ZCCHC7: variants seen among roughly 807,000 people sequenced by gnomAD.
ZCCHC7 encodes zinc finger CCHC-type containing 7.
ZCCHC7 carries 35 observed loss-of-function variants against 52.0 expected under a neutral mutation model. The observed-to-expected ratio is 0.67, with a 90% CI of 0.51 to 0.89. ZCCHC7 has a LOEUF of 0.89. ZCCHC7 is among the 40% of genes least tolerant of loss of function. The pLI is 0.00. For synonymous variants in ZCCHC7, 217 were observed against 221.5 expected, an observed-to-expected ratio of 0.98 and a Z score of 0.18; for missense variants, 574 against 649.1, an observed-to-expected ratio of 0.88 and a Z score of 1.26.
At chr9:37,254,366 A>G (rs1588557204) in intron 2 of ZCCHC7, among the ~76,000 whole-genome samples, 2 of 152,042 alleles carry the variant, frequency 1.3e-5, no homozygotes, top group African/African-American at 4.8e-5. Flanking sequence ...GTTTATTTAC[A>G]AAGAGTTGGG....
At chr9:37,126,070 G>A (rs1842525864) in intron 1 of ZCCHC7, among the ~76,000 whole-genome samples, 1 of 152,180 alleles carries the variant, frequency 6.6e-6, no homozygotes, top group Admixed American at 6.5e-5. Context: ...AGTGTTGACT[G>A]TGTTTCCATC....
At chr9:37,231,804 T>C (rs979928687) in intron 2 of ZCCHC7, among the ~76,000 whole-genome samples, 6 of 152,198 alleles carry the variant, frequency 3.9e-5, no homozygotes, top group African/African-American at 1.2e-4. Flanking sequence ...CTGGAAGACT[T>C]AGTACTCTGT....
intron 6 of ZCCHC7, among the ~76,000 whole-genome samples, chr9:37,336,999 A>G (rs570258435): frequency 2.6e-5 from 4 of 152,152 alleles, no homozygotes; most frequent in African/African-American, 9.7e-5. Flanking sequence ...TCTCCGGACA[A>G]TTGGCGGAGG....
At chr9:37,315,632 G>A (rs1256291550) in intron 5 of ZCCHC7, among the ~76,000 whole-genome samples, 1 of 151,488 alleles carries the variant, frequency 6.6e-6, no homozygotes, top group Non-Finnish European at 1.5e-5. Context: ...CAGATATAAA[G>A]GAAGACATGG....
rs1335247941 is a variant in ZCCHC7, at chr9:37,349,305, G to T, written c.988-52G>T. 6 of 1,580,144 alleles carry T rather than the reference G, an allele frequency of 3.8e-6. No individual in the cohort carries two copies. The African/African-American group carries it at 8.1e-5, about 21-fold the overall frequency. On this transcript the variant is annotated intron_variant, in intron 6 of 8. Transcript: ENST00000336755. ...ATAAAGCTCTTTTGGAAAGAATGAG[G>T]TTTTAATTTTCTTCTAACATCAACA...
chr9:37,325,743 G>A (rs1336618628), intron 5 of ZCCHC7, among the ~76,000 whole-genome samples: 1 of 152,030 alleles, frequency 6.6e-6, no homozygotes, highest in African/African-American at 2.4e-5. Context: ...ACAAAAAATA[G>A]CAAAATGAAA....
chr9:37,257,094 G>C (rs1325194187), intron 2 of ZCCHC7, among the ~76,000 whole-genome samples: 1 of 152,156 alleles, frequency 6.6e-6, no homozygotes, highest in East Asian at 1.9e-4. Flanking sequence ...AGAACAGTAA[G>C]TTTTTAGAGA....
rs778207726 is a variant in ZCCHC7, at chr9:37,238,683, G to C, written c.611-63505G>C. ...TTATTTTGCTATTATTCAGGAGACT[G>C]TTTCTCACCTGGTTGATCATTTCAA... On this transcript the variant is annotated intron_variant, in intron 2 of 8. Transcript: ENST00000336755. 3.9e-5 allele frequency among the ~76,000 whole-genome samples: 6 copies of C among 152,054 alleles called. No individual in the cohort carries two copies. The East Asian group carries it at 1.2e-3, about 29-fold the overall frequency.
intron 2 of ZCCHC7, among the ~76,000 whole-genome samples, chr9:37,269,410 G>T (rs1239516539): frequency 6.6e-6 from 1 of 151,478 alleles, no homozygotes; most frequent in Non-Finnish European, 1.5e-5. Context: ...GATCACTTGA[G>T]CCCAGGAGTT....
chr9:37,352,275 A>G (rs1334525717), intron 7 of ZCCHC7, among the ~76,000 whole-genome samples: 1 of 152,162 alleles, frequency 6.6e-6, no homozygotes, highest in African/African-American at 2.4e-5. Flanking sequence ...AGATACTATT[A>G]TTGAATGGAT....
At chr9:37,275,124 A>T (rs567047288) in intron 2 of ZCCHC7, among the ~76,000 whole-genome samples, 11 of 152,350 alleles carry the variant, frequency 7.2e-5, no homozygotes, top group African/African-American at 2.6e-4. Flanking sequence ...CAATTCATGT[A>T]ATCATCACAT....
At chr9:37,202,961 T>A (rs1653623742) in intron 2 of ZCCHC7, among the ~76,000 whole-genome samples, 1 of 152,252 alleles carries the variant, frequency 6.6e-6, no homozygotes, top group Non-Finnish European at 1.5e-5. Flanking sequence ...CTGAGTAATG[T>A]AAGTTATTGA....
At position 37,358,040 on chromosome 9, in the gene ZCCHC7, C is replaced by T. The variant is rs191560554; in HGVS notation, c.*772C>T. On this transcript the variant is annotated 3_prime_UTR_variant, in exon 9 of 9. Transcript: ENST00000336755. ...CTCAAAAAATTTTTTTGTTCTCTTG[C>T]ATTTTTTTCAACTACCGCAAAGCTA... is the stretch of plus-strand genomic sequence containing the variant. The T allele has an allele frequency of 1.3e-3, 194 of 152,236 alleles. No individual in the cohort carries two copies. The highest frequency in any genetic ancestry group is 4.3e-3 in the African/African-American group (178 of 41,554). 9.4% of individuals were successfully genotyped at this position (152,236 alleles called of 1,614,324 possible). A position where few individuals can be genotyped will look rare whatever the true frequency, so the allele number is the denominator to read the frequency against.
chr9:37,224,564 A>G (rs768054270), intron 2 of ZCCHC7, among the ~76,000 whole-genome samples: 1 of 152,186 alleles, frequency 6.6e-6, no homozygotes, highest in African/African-American at 2.4e-5. Context: ...TTAGAAGGGA[A>G]ATAAAGTGAC....
At chr9:37,308,857 T>A (rs1372770668) in intron 5 of ZCCHC7, among the ~76,000 whole-genome samples, 1 of 151,958 alleles carries the variant, frequency 6.6e-6, no homozygotes, top group East Asian at 1.9e-4. Context: ...GGTACACACC[T>A]GTAGTCCCAG....
intron 2 of ZCCHC7, among the ~76,000 whole-genome samples, chr9:37,274,507 T>G (rs76996422): frequency 2.0e-5 from 3 of 151,782 alleles, no homozygotes; most frequent in Non-Finnish European, 2.9e-5. Flanking sequence ...GCCCGGCTAA[T>G]TTTTGTAATT....
chr9:37,258,783 A>G (rs1826720185), intron 2 of ZCCHC7, among the ~76,000 whole-genome samples: 1 of 150,390 alleles, frequency 6.6e-6, no homozygotes, highest in South Asian at 2.1e-4. Context: ...AAAAAAAAAA[A>G]AAGTTTGTTC....
intron 2 of ZCCHC7, among the ~76,000 whole-genome samples, chr9:37,135,839 A>G (rs1842976250): frequency 6.6e-6 from 1 of 152,166 alleles, no homozygotes; most frequent in East Asian, 1.9e-4. Flanking sequence ...TTTTCTCCCA[A>G]AACTATACAC....
intron 2 of ZCCHC7, among the ~76,000 whole-genome samples, chr9:37,211,065 C>T (rs1435464613): frequency 1.3e-5 from 2 of 152,138 alleles, no homozygotes; most frequent in African/African-American, 2.4e-5. Flanking sequence ...GTGAGTTTTG[C>T]TGGTTAGCTG....
Sources: gnomAD v4.1 joint callset for allele counts (sites outside exome capture counted in the v4.1 genomes callset) on GRCh38, gnomAD v4.1.1 for gene constraint, MANE v1.5 for transcripts, NCBI Gene and HGNC (gene_info 2026-07-23, HGNC 2026-07-21) for gene names.